Variants in MGMT observed in about 807,000 individuals in gnomAD.
MGMT encodes methylated-DNA--protein-cysteine methyltransferase.
Under a neutral mutation model 15.9 loss-of-function variants are expected in MGMT, and 14 were observed. The ratio of observed to expected loss-of-function variants is 0.88; its 90% CI spans 0.58 to 1.37. The LOEUF (loss-of-function observed/expected upper bound fraction) is 1.37. MGMT is among the 40% of genes most tolerant of loss of function. The pLI is 0.00. For synonymous variants in MGMT, 130 were observed against 118.2 expected, an observed-to-expected ratio of 1.10 and a Z score of -0.65; for missense variants, 282 against 268.1, an observed-to-expected ratio of 1.05 and a Z score of -0.36.
Position 129,599,325 on chromosome 10 carries a change from A to G in MGMT, c.125+62948A>G, listed in dbSNP as rs151307932. Among the ~76,000 whole-genome samples the G allele has an allele frequency of 3.5e-3, 531 of 152,338 alleles. 3 individuals are homozygous for G. Among genetic ancestry groups the G allele is most frequent in the African/African-American group, 0.012 (501 of 41,598 alleles). ...AAAACCTTGAGGCCACATTCAAAAC[A>G]TGGAAGGAGGCAGCTTTAGGCTAAG... On this transcript the variant is annotated intron_variant, in intron 2 of 4. Transcript: ENST00000651593.
At chr10:129,558,095 C>T (rs1428185786) in intron 2 of MGMT, among the ~76,000 whole-genome samples, 1 of 152,198 alleles carries the variant, frequency 6.6e-6, no homozygotes, top group Non-Finnish European at 1.5e-5. Context: ...GAAGAGCCCG[C>T]ACAGGCCCCC....
rs1309998681 is a variant in MGMT, at chr10:129,768,601, G to C, written c.*1604G>C. On this transcript the variant is annotated 3_prime_UTR_variant, in exon 5 of 5. Transcript: ENST00000651593. ...TGATGGCCCTCCCCAGTGATGGCCGGTCACCAGGCACGGCTTTCCCCTCTG... is the reference window on the plus strand; with the variant it reads ...TGATGGCCCTCCCCAGTGATGGCCGCTCACCAGGCACGGCTTTCCCCTCTG... Among the ~76,000 whole-genome samples the C allele has an allele frequency of 6.6e-6, 1 of 152,254 alleles. No individual in the cohort carries two copies. The highest frequency in any genetic ancestry group is 1.5e-5 in the Non-Finnish European group (1 of 68,050).
At chr10:129,590,567 A>G (rs1268871286) in intron 2 of MGMT, among the ~76,000 whole-genome samples, 1 of 152,252 alleles carries the variant, frequency 6.6e-6, no homozygotes, top group African/African-American at 2.4e-5. Flanking sequence ...GCAAGAAAGT[A>G]TGAATCTTAT....
chr10:129,557,590 CA>C (rs1298079865), intron 2 of MGMT, among the ~76,000 whole-genome samples: 1 of 152,110 alleles, frequency 6.6e-6, no homozygotes, highest in African/African-American at 2.4e-5. Flanking sequence ...ATTATTGTTT[CA>C]AATTAGATAA....
chr10:129,710,373 C>T (rs978831086), intron 3 of MGMT, among the ~76,000 whole-genome samples: 1 of 152,216 alleles, frequency 6.6e-6, no homozygotes, highest in African/African-American at 2.4e-5. Flanking sequence ...AACTCTGAGG[C>T]TGGCTGCAGA....
chr10:129,657,408 TGG>T (rs199898493), intron 2 of MGMT, among the ~76,000 whole-genome samples: 1 of 63,858 alleles, frequency 1.6e-5, no homozygotes, highest in African/African-American at 6.0e-5. Flanking sequence ...ATTGTGGGGG[TGG>T]GGGGGGGAGC....
chr10:129,634,766 G>A lies in MGMT; in HGVS notation c.126-73129G>A, dbSNP rs748490541. On this transcript the variant is annotated intron_variant, in intron 2 of 4. Transcript: ENST00000651593. ...AGTTACATTAACTTTTTGCATCCTC[G>A]TCTGCTAATCTTAACATCTGAGTTA... Among the ~76,000 whole-genome samples, 4 of 151,718 alleles carry A rather than the reference G, an allele frequency of 2.6e-5. No homozygotes were observed. In the East Asian group the frequency reaches 5.8e-4, roughly 22 times the overall value.
At chr10:129,723,924 G>A (rs778461864) in intron 3 of MGMT, among the ~76,000 whole-genome samples, 1 of 152,122 alleles carries the variant, frequency 6.6e-6, no homozygotes, top group Non-Finnish European at 1.5e-5. Context: ...TACATTGGTG[G>A]GTGTTAAAAT....
chr10:129,540,321 A>G (rs1377047664), intron 2 of MGMT, among the ~76,000 whole-genome samples: 1 of 152,200 alleles, frequency 6.6e-6, no homozygotes, highest in Non-Finnish European at 1.5e-5. Flanking sequence ...CATGATGTCT[A>G]TGAATAAAGA....
Position 129,467,311 on chromosome 10 carries a change from C to T in MGMT, c.-13+15C>T, listed in dbSNP as rs1227433049. 6.5e-7 allele frequency: 1 copy of T among 1,535,326 alleles called. No homozygotes were observed. The stretch of plus-strand genomic sequence containing the variant: ...TTTGCGACTTGGTGAGTGTCTGGGT[C>T]GCCTCGCTCCCGGAAGAGTGCGGAG... On this transcript the variant is annotated intron_variant, in intron 1 of 4. Coordinates refer to ENST00000651593, the MANE Select transcript of MGMT (RefSeq NM_002412.5).
At chr10:129,523,571 A>T (rs1845836508) in intron 1 of MGMT, among the ~76,000 whole-genome samples, 1 of 152,098 alleles carries the variant, frequency 6.6e-6, no homozygotes, top group African/African-American at 2.4e-5. Flanking sequence ...GCCGACGTGG[A>T]CGGGTACAGC....
intron 3 of MGMT, among the ~76,000 whole-genome samples, chr10:129,747,628 A>G (rs1848709293): frequency 6.6e-6 from 1 of 152,208 alleles, no homozygotes. Context: ...GACATCTTAC[A>G]TTAGTACGGT....
At chr10:129,680,860 C>A (rs1847844126) in intron 2 of MGMT, among the ~76,000 whole-genome samples, 1 of 152,142 alleles carries the variant, frequency 6.6e-6, no homozygotes. Context: ...GTGTCTGATG[C>A]CTCCCCACAG....
intron 2 of MGMT, among the ~76,000 whole-genome samples, chr10:129,657,026 GTGA>G (rs1426713943): frequency 2.6e-5 from 4 of 152,280 alleles, no homozygotes; most frequent in Admixed American, 2.0e-4. Flanking sequence ...CACAATGACT[GTGA>G]GTTAGGTGAG....
chr10:129,592,780 C>A (rs1470598662), intron 2 of MGMT, among the ~76,000 whole-genome samples: 1 of 151,638 alleles, frequency 6.6e-6, no homozygotes, highest in Non-Finnish European at 1.5e-5. Flanking sequence ...AAAATGTAAA[C>A]CAGTGCAACT....
chr10:129,469,746 G>A (rs1231199543), intron 1 of MGMT, among the ~76,000 whole-genome samples: 2 of 152,094 alleles, frequency 1.3e-5, no homozygotes, highest in African/African-American at 2.4e-5. Flanking sequence ...TTGGTCTTTC[G>A]CCCAGGCTGG....
At chr10:129,536,144 T>C (rs1317553663) in intron 1 of MGMT, 97 bp from the exon 2 acceptor site, 1 of 1,333,074 alleles carries the variant, frequency 7.5e-7, no homozygotes, top group Non-Finnish European at 1.0e-6. Context: ...CTTTGGAATA[T>C]ATTTTGTGTC....
chr10:129,513,543 C>T (rs945987852), intron 1 of MGMT, among the ~76,000 whole-genome samples: 2 of 152,118 alleles, frequency 1.3e-5, no homozygotes, highest in African/African-American at 4.8e-5. Context: ...GCCCAGAATC[C>T]ACAGTGCCAG....
At chr10:129,559,870 C>T (rs1234889119) in intron 2 of MGMT, among the ~76,000 whole-genome samples, 1 of 152,128 alleles carries the variant, frequency 6.6e-6, no homozygotes, top group Non-Finnish European at 1.5e-5. Flanking sequence ...TGAAAGGACA[C>T]AGAATTTTAG....
Sources: gnomAD v4.1 joint callset for allele counts (sites outside exome capture counted in the v4.1 genomes callset) on GRCh38, gnomAD v4.1.1 for gene constraint, MANE v1.5 for transcripts, NCBI Gene and HGNC (gene_info 2026-07-23, HGNC 2026-07-21) for gene names.